Variants in PABPC4L observed in about 807,000 individuals in gnomAD.
PABPC4L encodes the protein poly(A) binding protein cytoplasmic 4 like.
For missense variants in PABPC4L, 452 were observed against 451.4 expected (o/e 1.00, Z -0.01); for synonymous variants, 169 against 164.1 (o/e 1.03, Z -0.23).
chr4:134,200,369 CAG>C lies in PABPC4L; in HGVS notation c.649_650del (p.Leu217GlufsTer3). The C allele has an allele frequency of 2.5e-6, 4 of 1,585,154 alleles. No individual in the cohort carries two copies. Among genetic ancestry groups the C allele is most frequent in the East Asian group, 2.3e-5 (1 of 43,510 alleles). On this transcript the variant is annotated frameshift_variant, in exon 2 of 2. Coordinates refer to ENST00000421491, the MANE Select transcript of PABPC4L (RefSeq NM_001114734.2). LOFTEE classifies it low-confidence loss of function (END_TRUNC). ...TGGAATCTGTCATCACCTTAACACT[CAG>C]AGTTTTGCCATATTTGCTGAAAACG... Reference protein sequence around the residue: ...KDVFSKYGKTLSVKVMTDSSG... With the variant: ...KDVFSKYGKTXSVKVMTDSSG...
At chr4:134,147,752 T>G in the PABPC4L span, among the ~76,000 whole-genome samples, 2 of 122,296 alleles carry the variant, frequency 1.6e-5, no homozygotes, top group African/African-American at 6.2e-5. Context: ...TGTGTGTGTG[T>G]TGTTGTTGTT....
At chr4:134,033,244 A>G in the PABPC4L span, among the ~76,000 whole-genome samples, 1 of 151,732 alleles carries the variant, frequency 6.6e-6, no homozygotes, top group African/African-American at 2.4e-5. Flanking sequence ...ACACCCATAT[A>G]AGACTGTAAA....
the PABPC4L span, among the ~76,000 whole-genome samples, chr4:134,048,693 T>A: frequency 6.6e-6 from 1 of 152,102 alleles, no homozygotes; most frequent in African/African-American, 2.4e-5. Flanking sequence ...ATTTTCCTGT[T>A]TTTATTTCCT....
At chr4:134,004,675 G>T in the PABPC4L span, among the ~76,000 whole-genome samples, 1 of 151,798 alleles carries the variant, frequency 6.6e-6, no homozygotes, top group Non-Finnish European at 1.5e-5. Context: ...GTTCATTTCA[G>T]CATTATTCAC....
At chr4:134,152,152 C>T in the PABPC4L span, among the ~76,000 whole-genome samples, 1 of 151,620 alleles carries the variant, frequency 6.6e-6, no homozygotes, top group Non-Finnish European at 1.5e-5. Flanking sequence ...CTGTGGTTTA[C>T]ACTCTTTTTT....
chr4:134,154,215 A>G, the PABPC4L span, among the ~76,000 whole-genome samples: 6 of 152,228 alleles, frequency 3.9e-5, no homozygotes, highest in African/African-American at 1.2e-4. Flanking sequence ...AATCTTACCT[A>G]TATCCATATT....
the PABPC4L span, among the ~76,000 whole-genome samples, chr4:134,008,973 T>G: frequency 6.6e-5 from 10 of 151,706 alleles, no homozygotes; most frequent in Admixed American, 3.3e-4. Flanking sequence ...ATGGTAAACA[T>G]AGAGATATAA....
the PABPC4L span, among the ~76,000 whole-genome samples, chr4:134,001,004 C>T: frequency 1.3e-5 from 2 of 151,966 alleles, no homozygotes; most frequent in Admixed American, 1.3e-4. Context: ...ATAAAATCTC[C>T]AATTTGTTCT....
the PABPC4L span, among the ~76,000 whole-genome samples, chr4:133,991,702 G>T: frequency 6.6e-6 from 1 of 152,134 alleles, no homozygotes; most frequent in East Asian, 1.9e-4. Context: ...CCTGGGACAG[G>T]GCACGTTCTA....
the PABPC4L span, among the ~76,000 whole-genome samples, chr4:134,139,078 A>T: frequency 6.6e-6 from 1 of 151,964 alleles, no homozygotes; most frequent in East Asian, 1.9e-4. Flanking sequence ...AAAGCAAGTG[A>T]CTCAACACAA....
chr4:134,118,051 A>C, the PABPC4L span, among the ~76,000 whole-genome samples: 1 of 151,728 alleles, frequency 6.6e-6, no homozygotes, highest in Non-Finnish European at 1.5e-5. Context: ...GTGTTCCCCT[A>C]CTGGGACTTA....
the PABPC4L span, among the ~76,000 whole-genome samples, chr4:133,964,410 T>G: frequency 1.3e-5 from 2 of 151,878 alleles, no homozygotes; most frequent in Admixed American, 6.6e-5. Context: ...TTGGTACCAA[T>G]CCTATTGACA....
chr4:134,073,602 G>T, the PABPC4L span, among the ~76,000 whole-genome samples: 1 of 152,182 alleles, frequency 6.6e-6, no homozygotes, highest in Admixed American at 6.5e-5. Context: ...GACTCTGTGT[G>T]GGGGCTCCAA....
the PABPC4L span, among the ~76,000 whole-genome samples, chr4:134,085,278 GGAGT>G: frequency 5.3e-5 from 8 of 151,832 alleles, no homozygotes; most frequent in African/African-American, 1.9e-4. Flanking sequence ...TTAAAAAGTT[GGAGT>G]ATGTATGTAC....
chr4:133,949,327 C>G, the PABPC4L span, among the ~76,000 whole-genome samples: 1 of 152,108 alleles, frequency 6.6e-6, no homozygotes, highest in Non-Finnish European at 1.5e-5. Flanking sequence ...TGGCAGGCAT[C>G]AAACTTTAGG....
chr4:133,981,207 G>A, the PABPC4L span, among the ~76,000 whole-genome samples: 1 of 151,998 alleles, frequency 6.6e-6, no homozygotes, highest in Non-Finnish European at 1.5e-5. Flanking sequence ...CCACTATGTT[G>A]AGTAAAGTTA....
At chr4:134,096,020 A>G in the PABPC4L span, among the ~76,000 whole-genome samples, 1 of 151,978 alleles carries the variant, frequency 6.6e-6, no homozygotes, top group Admixed American at 6.6e-5. Context: ...TAACCCCATG[A>G]GAATGTAAGC....
At chr4:134,036,041 T>C in the PABPC4L span, among the ~76,000 whole-genome samples, 1 of 151,958 alleles carries the variant, frequency 6.6e-6, no homozygotes, top group African/African-American at 2.4e-5. Context: ...TCCTTGACAC[T>C]TAGGGATTAC....
the PABPC4L span, among the ~76,000 whole-genome samples, chr4:134,026,555 C>T: frequency 6.6e-6 from 1 of 152,118 alleles, no homozygotes; most frequent in East Asian, 1.9e-4. Flanking sequence ...TGAACTAAAA[C>T]TGCCATATCC....
Sources: allele counts gnomAD v4.1 joint callset (sites outside exome capture counted in the v4.1 genomes callset), GRCh38; gene constraint gnomAD v4.1.1; transcripts MANE v1.5; gene names NCBI Gene and HGNC (gene_info 2026-07-23, HGNC 2026-07-21).